PES1: variants seen among roughly 807,000 people sequenced by gnomAD.
PES1 encodes pescadillo homolog.
A neutral mutation model predicts 77.1 loss-of-function variants in PES1; 31 were observed. The observed-to-expected ratio is 0.40, with a 90% confidence interval of 0.30 to 0.54. PES1 has a LOEUF of 0.54. Ranked by LOEUF, PES1 falls within the 20% of genes least tolerant of loss-of-function variation. The probability of loss-of-function intolerance (pLI) is 0.45; values close to 1 mark genes in which losing one functional copy is unlikely to be tolerated. For synonymous variants in PES1, 282 were observed against 303.0 expected (o/e 0.93, Z 0.72); for missense variants, 658 against 771.7 (o/e 0.85, Z 1.75).
chr22:30,602,671 AATT>A (rs996320262), intron 2 of PES1, among the ~76,000 whole-genome samples: 1 of 152,008 alleles, frequency 6.6e-6, no homozygotes, highest in Non-Finnish European at 1.5e-5. Context: ...GCACCCAGAC[AATT>A]ATTTCTTTGA....
chr22:30,586,207 C>G (rs139481399), intron 4 of PES1, among the ~76,000 whole-genome samples: 1 of 152,178 alleles, frequency 6.6e-6, no homozygotes, highest in Non-Finnish European at 1.5e-5. Context: ...TTTATTTCAC[C>G]TAACACTGTG....
intron 4 of PES1, 137 bp from the exon 5 acceptor site, chr22:30,584,854 C>G (rs1385248250): frequency 2.0e-5 from 16 of 814,948 alleles, no homozygotes; most frequent in Non-Finnish European, 2.9e-5. Flanking sequence ...CTGGCAGGAG[C>G]AGCTTCCCCA....
intron 2 of PES1, among the ~76,000 whole-genome samples, chr22:30,599,425 A>G (rs758494365): frequency 6.6e-6 from 1 of 152,190 alleles, no homozygotes; most frequent in Non-Finnish European, 1.5e-5. Context: ...TTTGATAAAT[A>G]TGACTAATTT....
upstream of PES1, chr22:30,592,406 A>G: frequency 5.1e-6 from 5 of 986,916 alleles, no homozygotes; most frequent in Non-Finnish European, 6.0e-6. Context: ...CGGCTAAAAT[A>G]GAAAAAAGGA....
intron 6 of PES1, 84 bp downstream of exon 6, chr22:30,584,281 T>C (rs1175315944): frequency 4.5e-6 from 5 of 1,117,066 alleles, no homozygotes; most frequent in East Asian, 5.2e-5. Context: ...CTAAACTCCA[T>C]GGACAGCAAA....
chr22:30,580,285 T>C, intron 10 of PES1, 107 bp from the exon 11 acceptor site: 1 of 1,389,670 alleles, frequency 7.2e-7, no homozygotes, highest in Non-Finnish European at 9.8e-7. Flanking sequence ...CTCACCCTCT[T>C]AGGACACAAT....
intron 14 of PES1, among the ~76,000 whole-genome samples, chr22:30,577,600 C>T (rs950485801): frequency 3.3e-5 from 5 of 152,182 alleles, no homozygotes; most frequent in Admixed American, 1.3e-4. Flanking sequence ...GATCCTCCCA[C>T]TTCAGCCTCC....
At chr22:30,584,763 GC>G in intron 4 of PES1, 46 bp from the exon 5 acceptor site, 1 of 1,588,552 alleles carries the variant, frequency 6.3e-7, no homozygotes, top group Non-Finnish European at 8.6e-7. Flanking sequence ...CAGCGTGGGT[GC>G]CAAGGGGGAC....
At chr22:30,602,359 G>T (rs2087369315) in intron 2 of PES1, among the ~76,000 whole-genome samples, 1 of 151,924 alleles carries the variant, frequency 6.6e-6, no homozygotes, top group Non-Finnish European at 1.5e-5. Flanking sequence ...CCCCAGCCAT[G>T]CACAACTGTG....
At chr22:30,582,470 A>C (rs1051312478) in intron 6 of PES1, among the ~76,000 whole-genome samples, 4 of 152,234 alleles carry the variant, frequency 2.6e-5, no homozygotes, top group Non-Finnish European at 5.9e-5. Flanking sequence ...CAGAAGGCTC[A>C]TCTTTGCCCT....
Position 30,578,898 on chromosome 22 carries a change from T to A in PES1, c.1622A>T (p.Lys541Met). 2 of 1,613,388 alleles carry A rather than the reference T, an allele frequency of 1.2e-6. No homozygotes were observed. Among genetic ancestry groups the A allele is most frequent in the Non-Finnish European group, 1.7e-6 (2 of 1,180,026 alleles). ...CTGGTACAGGTACTTCTCCCGCTTC[T>A]TCATCATCATAATGGCCAGGCGCTT... Reference protein sequence around the residue: ...EAKRLAIMMMKKREKYLYQKI... With the variant: ...EAKRLAIMMMMKREKYLYQKI... Residue 541 changes from lysine to methionine, a missense_variant, in exon 14 of 15, where the codon AAG (lysine) becomes ATG (methionine). Physicochemically the swap from Lys to Met is moderately conservative, Grantham distance 95. Coordinates refer to ENST00000354694, the MANE Select transcript of PES1 (RefSeq NM_014303.4).
chr22:30,579,184 C>A lies in PES1; in HGVS notation c.1474G>T (p.Glu492Ter). 6.2e-7 allele frequency: 1 copy of A among 1,608,428 alleles called. No homozygotes were observed. The change falls in exon 13 of 15, where the codon GAA (glutamate) becomes TAA (stop). Residue 492 changes from glutamate to a stop codon, truncating the protein, a stop_gained. Transcript: ENST00000354694. LOFTEE classifies it high-confidence loss of function. ...TCCAGGGCTGCCAGCCGGGCCTCTT[C>A]CTCCTTTTCTGAACCAGCCTCTGCA... The part of the protein sequence containing the change: ...EDAEAGSEKE[E>*]EARLAALEEQ...
rs761747927 is a variant in PES1, at chr22:30,581,546, G to T, written c.729C>A (p.Asn243Lys). Reference sequence around the variant, plus strand: ...GTCCTACCTTCGGGGGATAGTGGAGGTTGAGCAACTGGTAAAGGCGGAAGT... The same window carrying T: ...GTCCTACCTTCGGGGGATAGTGGAGTTTGAGCAACTGGTAAAGGCGGAAGT... Reference protein sequence around the residue: ...FVNFRLYQLLNLHYPPKLEGQ... With the variant: ...FVNFRLYQLLKLHYPPKLEGQ... The change falls in exon 7 of 15, where the codon AAC becomes AAA. Residue 243 changes from asparagine (N) to lysine (K), a missense_variant. By Grantham distance (94) the Asn-to-Lys change is moderately conservative. Transcript: ENST00000354694. 2.5e-6 allele frequency: 4 copies of T among 1,613,760 alleles called. No individual in the cohort carries two copies. The highest frequency in any genetic ancestry group is 3.4e-6 in the Non-Finnish European group (4 of 1,179,890).
rs776063384 is a variant in PES1 at position 30,581,532 on chromosome 22, G to A, written c.743C>T (p.Pro248Leu). 214 of 1,612,800 alleles carry A rather than the reference G, an allele frequency of 1.3e-4. No individual in the cohort carries two copies. Among genetic ancestry groups the A allele is most frequent in the Non-Finnish European group, 1.7e-4 (201 of 1,179,170 alleles). The change falls in exon 7 of 15, where the codon CCG becomes CTG. Residue 248 changes from proline to leucine, a missense_variant. By Grantham distance (98) the Pro-to-Leu change is moderately conservative (BLOSUM62 -3). Transcript: ENST00000354694. ...LYQLLNLHYP[P>L]KLEGQAQAEA... Reference sequence around the variant, plus strand: ...GGCACTGGGCTGGGGTCCTACCTTCGGGGGATAGTGGAGGTTGAGCAACTG... The same window carrying A: ...GGCACTGGGCTGGGGTCCTACCTTCAGGGGATAGTGGAGGTTGAGCAACTG...
chr22:30,596,071 T>C (rs769983964), upstream of PES1, among the ~76,000 whole-genome samples: 6 of 152,190 alleles, frequency 3.9e-5, no homozygotes, highest in Non-Finnish European at 7.3e-5. Context: ...GTGCACATTT[T>C]TAAACTGGTG....
chr22:30,581,641 G>T lies in PES1; in HGVS notation c.634C>A (p.Pro212Thr), dbSNP rs760645306. Residue 212 changes from proline to threonine, a missense_variant, in exon 7 of 15, where the codon CCG (proline) becomes ACG (threonine). Pro to Thr is a conservative substitution (Grantham distance 38). Transcript: ENST00000354694. ...ITPYAFSHDH[P>T]TDVDYRVMAT... ...ATGACCCTGTAGTCCACGTCTGTCG[G>T]GTGCTGGGGAACACAAGAGATGCAT... 1.9e-6 allele frequency: 3 copies of T among 1,608,764 alleles called. No individual in the cohort carries two copies. Among genetic ancestry groups the T allele is most frequent in the Non-Finnish European group, 2.6e-6 (3 of 1,175,984 alleles).
rs1480881692 is a variant in PES1 at position 30,584,433 on chromosome 22, T to C, written c.562A>G (p.Ile188Val). The C allele has an allele frequency of 6.2e-7, 1 of 1,612,266 alleles. No homozygotes were observed. Among genetic ancestry groups the C allele is most frequent in the Non-Finnish European group, 8.5e-7 (1 of 1,179,120 alleles). ...CCCAGTACCTCGGCCTGGTAGTAAA[T>C]GCCTTTGATGGACAGGAAGACCTAG... is the stretch of plus-strand genomic sequence containing the variant. ...LRKVFLSIKGIYYQAEVLGQP... is the reference protein window; with the variant it reads ...LRKVFLSIKGVYYQAEVLGQP... The change falls in exon 6 of 15, where the codon ATT becomes GTT. Residue 188 changes from isoleucine to valine, a missense_variant. Coordinates refer to ENST00000354694, the MANE Select transcript of PES1 (RefSeq NM_014303.4).
intron 2 of PES1, among the ~76,000 whole-genome samples, chr22:30,600,337 G>A (rs532043603): frequency 7.9e-5 from 12 of 152,220 alleles, no homozygotes; most frequent in Admixed American, 2.6e-4. Flanking sequence ...AGACTTCAGG[G>A]GGTAGGTTTG....
At chr22:30,581,711 C>T (rs2086991530) in intron 6 of PES1, 67 bp from the exon 7 acceptor site, 1 of 1,099,716 alleles carries the variant, frequency 9.1e-7, no homozygotes, top group East Asian at 2.4e-5. Context: ...GGACAGACAA[C>T]CCACAGAGTG....
Sources: gnomAD v4.1 joint callset for allele counts (sites outside exome capture counted in the v4.1 genomes callset) on GRCh38, gnomAD v4.1.1 for gene constraint, MANE v1.5 for transcripts, NCBI Gene and HGNC (gene_info 2026-07-23, HGNC 2026-07-21) for gene names.